The following MON2 variants were observed in gnomAD, a reference collection of about 807,000 sequenced individuals.
MON2 encodes the protein protein MON2 homolog.
In MON2, 84 loss-of-function variants were observed where a neutral mutation model predicts 208.6. That is an observed-to-expected ratio of 0.40 (90% CI 0.34 to 0.48). The LOEUF is 0.48. Ranked by LOEUF, MON2 falls within the 20% of genes least tolerant of loss-of-function variation. The pLI is 0.59. For synonymous variants in MON2, 660 were observed against 694.0 expected, an observed-to-expected ratio of 0.95 and a Z score of 0.77; for missense variants, 1,611 against 2,015.4, an observed-to-expected ratio of 0.80 and a Z score of 3.84.
chr12:62,549,817 C>T lies in MON2; in HGVS notation c.2903C>T (p.Ser968Leu). The T allele has an allele frequency of 6.3e-7, 1 of 1,595,070 alleles. No individual in the cohort carries two copies. The highest frequency in any genetic ancestry group is 8.5e-7 in the Non-Finnish European group (1 of 1,170,334). ...CAAGAACTCAATATTAGTTTAACTT[C>T]AATAGGTTTATTGGTAAGTATCATT... ...HNQELNISLT[S>L]IGLLWNISDY... Residue 968 changes from serine (S) to leucine (L), a missense_variant, in exon 23 of 35, where the codon TCA becomes TTA. Coordinates refer to ENST00000393630, the MANE Select transcript of MON2 (RefSeq NM_015026.3).
Position 62,599,871 on chromosome 12 carries a change from GA to G in MON2, c.*7129del, listed in dbSNP as rs1338223768. 6.6e-6 allele frequency: 1 copy of G among 152,116 alleles called. No homozygotes were observed. The allele number at this position is 152,116 out of a possible 1,614,324, so 9.4% of individuals were successfully genotyped here. On this transcript the variant is annotated 3_prime_UTR_variant, in exon 35 of 35. Transcript: ENST00000393630. ...CATAACAAAGAACTAAAAATACTGT[GA>G]AAAAAAGATTTGTCTTAACGATGAC...
intron 31 of MON2, among the ~76,000 whole-genome samples, chr12:62,579,082 AAAG>A (rs1377488475): frequency 3.3e-5 from 5 of 151,968 alleles, no homozygotes; most frequent in Admixed American, 2.6e-4. Context: ...CAAAAAAAAA[AAAG>A]TTTTTTAAGT....
At chr12:62,551,388 TGACGATGAAACA>T (rs1462816830) in intron 23 of MON2, among the ~76,000 whole-genome samples, 1 of 59,108 alleles carries the variant, frequency 1.7e-5, no homozygotes, top group Non-Finnish European at 3.4e-5. Flanking sequence ...GGAAACAACC[TGACGATGAAACA>T]GTCAGAAAAC....
intron 1 of MON2, chr12:62,482,875 A>T (rs1434894187): frequency 6.6e-6 from 1 of 152,154 alleles, no homozygotes; most frequent in African/African-American, 2.4e-5. Flanking sequence ...CTACCAAAAA[A>T]ATTGAAAAAT....
At chr12:62,491,689 C>T (rs1305259191) in intron 2 of MON2, among the ~76,000 whole-genome samples, 1 of 152,128 alleles carries the variant, frequency 6.6e-6, no homozygotes, top group Non-Finnish European at 1.5e-5. Context: ...TACCTACTTA[C>T]TATATCAGTA....
At chr12:62,585,743 T>C (rs2075202525) in intron 33 of MON2, 1 of 304,062 alleles carries the variant, frequency 3.3e-6, no homozygotes, top group South Asian at 1.3e-4. Context: ...GATACATAGG[T>C]ACCAAATTAC....
intron 1 of MON2, among the ~76,000 whole-genome samples, chr12:62,473,963 G>GC (rs1323517504): frequency 6.6e-6 from 1 of 151,928 alleles, no homozygotes; most frequent in Non-Finnish European, 1.5e-5. Flanking sequence ...CACTCCTATT[G>GC]CCTCTGGACT....
chr12:62,582,997 T>G (rs148850140), intron 32 of MON2, among the ~76,000 whole-genome samples: 2 of 151,962 alleles, frequency 1.3e-5, no homozygotes, highest in Non-Finnish European at 2.9e-5. Context: ...ATCAAAGAGA[T>G]AAAAGAACAA....
intron 5 of MON2, among the ~76,000 whole-genome samples, chr12:62,500,226 A>T (rs975193583): frequency 5.3e-5 from 8 of 152,180 alleles, no homozygotes; most frequent in Non-Finnish European, 8.8e-5. Flanking sequence ...CGTTAAGTCA[A>T]TATTTATTCA....
intron 34 of MON2, among the ~76,000 whole-genome samples, chr12:62,592,295 A>C (rs1185788795): frequency 1.3e-5 from 2 of 152,174 alleles, no homozygotes; most frequent in Non-Finnish European, 2.9e-5. Context: ...GATTGTTCTG[A>C]ATTGCTTTGT....
At chr12:62,489,951 G>T in intron 2 of MON2, 1 of 798,146 alleles carries the variant, frequency 1.3e-6, no homozygotes. Context: ...TTTAATGGCT[G>T]TTAAAATTTT....
chr12:62,469,533 A>G (rs1018023550), intron 1 of MON2, among the ~76,000 whole-genome samples: 1 of 152,186 alleles, frequency 6.6e-6, no homozygotes, highest in South Asian at 2.1e-4. Context: ...TTCTTACCCA[A>G]TGACACTGGG....
chr12:62,574,470 G>A (rs2074706371), intron 30 of MON2, among the ~76,000 whole-genome samples: 1 of 152,014 alleles, frequency 6.6e-6, no homozygotes, highest in African/African-American at 2.4e-5. Context: ...TTGACCTCCT[G>A]GCCTCAGGTG....
chr12:62,512,708 G>A (rs6581452), intron 8 of MON2, among the ~76,000 whole-genome samples: 56,546 of 151,988 alleles, frequency 0.37, 10,742 homozygotes, highest in African/African-American at 0.42. Context: ...TCCACTAGGC[G>A]GTGCTCCAGT....
At chr12:62,567,664 CACTT>C (rs2136384931) in intron 29 of MON2, among the ~76,000 whole-genome samples, 1 of 152,312 alleles carries the variant, frequency 6.6e-6, no homozygotes, top group East Asian at 1.9e-4. Context: ...ACTATCCTCT[CACTT>C]TATTTATTGA....
intron 8 of MON2, among the ~76,000 whole-genome samples, chr12:62,518,304 G>A (rs990665537): frequency 1.3e-5 from 2 of 152,146 alleles, no homozygotes; most frequent in Non-Finnish European, 1.5e-5. Context: ...CCATAGCATT[G>A]CTTTGCATAC....
At chr12:62,577,527 C>A (rs2074838170) in intron 30 of MON2, among the ~76,000 whole-genome samples, 1 of 152,048 alleles carries the variant, frequency 6.6e-6, no homozygotes, top group Non-Finnish European at 1.5e-5. Flanking sequence ...TGTTCTAATA[C>A]TATTTTTACA....
Position 62,538,298 on chromosome 12 carries a change from T to A in MON2, c.2246T>A (p.Ile749Lys), listed in dbSNP as rs755052285. ...VMTDLPVISN[I>K]LSRLFESSQY... ...ACAGATTTACCAGTGATTTCCAATA[T>A]ACTTTCAAGATTGTTTGAAAGCTCA... The change falls in exon 18 of 35, where the codon ATA (isoleucine) becomes AAA (lysine). Residue 749 changes from isoleucine to lysine, a missense_variant. By Grantham distance (102) the Ile-to-Lys change is moderately radical. Coordinates refer to ENST00000393630, the MANE Select transcript of MON2 (RefSeq NM_015026.3). The A allele has an allele frequency of 6.2e-7, 1 of 1,613,466 alleles. No homozygotes were observed. The highest frequency in any genetic ancestry group is 8.5e-7 in the Non-Finnish European group (1 of 1,179,428).
In MON2 at chr12:62,580,293, T is replaced by G. The variant is rs759417765; in HGVS notation, c.4576-4T>G. The stretch of plus-strand genomic sequence containing the variant: ...TACATTTGCATTTGCCTCTTTTGTT[T>G]TAGGTAGTTCAACTTATCAGCAATG... On this transcript the variant is annotated splice_polypyrimidine_tract_variant and splice_region_variant and intron_variant, in intron 31 of 34. Transcript: ENST00000393630. 2 of 1,608,566 alleles carry G rather than the reference T, an allele frequency of 1.2e-6. No individual in the cohort carries two copies. The highest frequency in any genetic ancestry group is 4.5e-5 in the East Asian group (2 of 44,664).
Sources: allele counts gnomAD v4.1 joint callset (sites outside exome capture counted in the v4.1 genomes callset), GRCh38; gene constraint gnomAD v4.1.1; transcripts MANE v1.5; gene names NCBI Gene and HGNC (gene_info 2026-07-23, HGNC 2026-07-21).